The following EPM2A variants were observed in gnomAD, a reference collection of about 807,000 sequenced individuals.
EPM2A encodes the protein laforin.
EPM2A carries 21 observed loss-of-function variants against 26.5 expected under a neutral mutation model. That is an observed-to-expected ratio of 0.79 (90% CI 0.56 to 1.14). The LOEUF is 1.14. Among genes scored for constraint, EPM2A ranks in the 50% most tolerant of loss-of-function variants. The probability of loss-of-function intolerance (pLI) is 0.00; values close to 1 mark genes in which losing one functional copy is unlikely to be tolerated. For synonymous variants in EPM2A, 217 were observed against 177.6 expected (o/e 1.22, Z -1.76); for missense variants, 458 against 440.8 (o/e 1.04, Z -0.35).
chr6:145,594,927 G>A (rs1397315820), intron 2 of EPM2A, among the ~76,000 whole-genome samples: 1 of 151,280 alleles, frequency 6.6e-6, no homozygotes, highest in Non-Finnish European at 1.5e-5. Context: ...ACTTTCTTCT[G>A]TAACATTTGT....
chr6:145,463,374 C>G (rs1267554873), intron 4 of EPM2A: 1 of 152,030 alleles, frequency 6.6e-6, no homozygotes, highest in Non-Finnish European at 1.5e-5. Flanking sequence ...TTTGTAATCA[C>G]AATATCTCAC....
intron 2 of EPM2A, among the ~76,000 whole-genome samples, chr6:145,642,019 T>C (rs1159028783): frequency 2.0e-5 from 3 of 152,176 alleles, no homozygotes; most frequent in African/African-American, 7.2e-5. Flanking sequence ...CAAGAGAGTT[T>C]GGCCTTCTTG....
intron 4 of EPM2A, chr6:145,490,264 A>G (rs79519061): frequency 0.025 from 35,445 of 1,403,406 alleles, 565 homozygotes; most frequent in South Asian, 0.028. Flanking sequence ...AGTTGGGTTT[A>G]CACCCAGTGT....
At chr6:145,635,813 A>G (rs1204343066) in intron 2 of EPM2A, 2 of 247,478 alleles carry the variant, frequency 8.1e-6, no homozygotes, top group Admixed American at 5.0e-5. Context: ...AAATCCATCA[A>G]TAGACTTCAA....
rs116372137 is a variant in EPM2A, at chr6:145,469,870, C to T, written c.555+32652G>A. On this transcript the variant is annotated intron_variant, in intron 4 of 4. Coordinates refer to the EPM2A transcript ENST00000638717. ...AAGAATGAGATTCTGTTATTTACAA[C>T]ATCATGGATGGAACTTGAGATCATT... Among the ~76,000 whole-genome samples the T allele has an allele frequency of 1.8e-3, 278 of 152,242 alleles. 1 individual carries two copies. Among genetic ancestry groups the T allele is most frequent in the African/African-American group, 5.9e-3 (245 of 41,558 alleles).
intron 2 of EPM2A, among the ~76,000 whole-genome samples, chr6:145,595,436 T>C (rs1781329510): frequency 1.3e-5 from 2 of 151,758 alleles, no homozygotes; most frequent in African/African-American, 4.8e-5. Flanking sequence ...TTATAGCAAC[T>C]CAGATTGCTT....
intron 4 of EPM2A, among the ~76,000 whole-genome samples, chr6:145,428,149 T>C (rs907951530): frequency 6.7e-6 from 1 of 149,766 alleles, no homozygotes; most frequent in Non-Finnish European, 1.5e-5. Flanking sequence ...AAATTATGCA[T>C]CCTAATCTTA....
At chr6:145,437,371 A>G (rs554755926) in intron 4 of EPM2A, among the ~76,000 whole-genome samples, 1 of 152,312 alleles carries the variant, frequency 6.6e-6, no homozygotes, top group East Asian at 1.9e-4. Flanking sequence ...TAAATTACCC[A>G]GTCTCATGGT....
intron 2 of EPM2A, among the ~76,000 whole-genome samples, chr6:145,577,577 G>A (rs958518455): frequency 2.1e-5 from 3 of 143,230 alleles, no homozygotes; most frequent in Non-Finnish European, 4.4e-5. Flanking sequence ...GAGAAATGTA[G>A]ACCCCCCCCC....
At chr6:145,646,637 G>A (rs1328738479) in intron 2 of EPM2A, among the ~76,000 whole-genome samples, 6 of 151,964 alleles carry the variant, frequency 3.9e-5, no homozygotes, top group Non-Finnish European at 4.4e-5. Flanking sequence ...GTGTTCCTTA[G>A]AGTTCCAAAC....
intron 4 of EPM2A, among the ~76,000 whole-genome samples, chr6:145,429,414 C>G (rs1403034979): frequency 2.0e-5 from 3 of 151,978 alleles, no homozygotes; most frequent in African/African-American, 7.2e-5. Flanking sequence ...TAGAACAAGA[C>G]CTGGTGTATA....
At chr6:145,487,389 C>G (rs1042107965) in intron 4 of EPM2A, among the ~76,000 whole-genome samples, 4 of 152,132 alleles carry the variant, frequency 2.6e-5, no homozygotes, top group Non-Finnish European at 4.4e-5. Flanking sequence ...AATGGTATTT[C>G]TGTCTTTAGG....
rs1780454175 is a variant in EPM2A at position 145,680,646 on chromosome 6, G to GT, written c.476+5475dup. ...TATGAGTGAGAACATGTGGTGTTTG[G>GT]TTTTTTGTCCTTGTGATACTTTGCT... On this transcript the variant is annotated intron_variant, in intron 2 of 3. Coordinates refer to ENST00000367519, the MANE Select transcript of EPM2A (RefSeq NM_005670.4). 4.6e-5 allele frequency among the ~76,000 whole-genome samples: 7 copies of GT among 151,736 alleles called. No individual in the cohort carries two copies. The South Asian group carries it at 1.5e-3, about 32-fold the overall frequency.
chr6:145,564,060 A>C (rs1419650610), intron 2 of EPM2A, among the ~76,000 whole-genome samples: 1 of 152,180 alleles, frequency 6.6e-6, no homozygotes, highest in African/African-American at 2.4e-5. Flanking sequence ...ATAATACCTA[A>C]TACAATGTAA....
At chr6:145,722,168 G>A (rs1775980584) in intron 1 of EPM2A, among the ~76,000 whole-genome samples, 1 of 152,176 alleles carries the variant, frequency 6.6e-6, no homozygotes, top group South Asian at 2.1e-4. Context: ...TTTTGGATTT[G>A]TAGAAGACTT....
At chr6:145,444,533 T>C (rs2114703560) in intron 4 of EPM2A, among the ~76,000 whole-genome samples, 1 of 152,346 alleles carries the variant, frequency 6.6e-6, no homozygotes. Flanking sequence ...GATATTGTCC[T>C]GAAGTTTTCT....
At chr6:145,605,868 C>T (rs1775239430) in intron 2 of EPM2A, among the ~76,000 whole-genome samples, 1 of 152,056 alleles carries the variant, frequency 6.6e-6, no homozygotes. Context: ...AATCATGGCA[C>T]ATTTAACAAG....
chr6:145,615,432 C>T (rs898302471), intron 2 of EPM2A, among the ~76,000 whole-genome samples: 4 of 152,112 alleles, frequency 2.6e-5, no homozygotes, highest in South Asian at 2.1e-4. Flanking sequence ...TACTCAGTCT[C>T]GGGTATGTCT....
intron 4 of EPM2A, among the ~76,000 whole-genome samples, chr6:145,405,112 G>A (rs1203809161): frequency 2.0e-5 from 3 of 152,130 alleles, no homozygotes; most frequent in Non-Finnish European, 2.9e-5. Flanking sequence ...TGCTGCTGTT[G>A]TGAATAGAAA....
Sources: allele counts gnomAD v4.1 joint callset (sites outside exome capture counted in the v4.1 genomes callset), GRCh38; gene constraint gnomAD v4.1.1; transcripts MANE v1.5; gene names NCBI Gene and HGNC (gene_info 2026-07-23, HGNC 2026-07-21).